KIAA1328: variants seen among roughly 807,000 people sequenced by gnomAD.
The protein encoded by KIAA1328 is protein hinderin.
In KIAA1328, 52 loss-of-function variants were observed where a neutral mutation model predicts 68.1. The observed-to-expected ratio is 0.76, with a 90% CI of 0.61 to 0.96. KIAA1328 has a LOEUF of 0.96. KIAA1328 is among the 40% of genes least tolerant of loss of function. The pLI is 0.00. For synonymous variants in KIAA1328, 232 were observed against 239.4 expected (o/e 0.97, Z 0.28); for missense variants, 641 against 677.6 (o/e 0.95, Z 0.60).
chr18:37,090,912 G>T (rs2057248518), intron 7 of KIAA1328, among the ~76,000 whole-genome samples: 1 of 152,124 alleles, frequency 6.6e-6, no homozygotes, highest in Admixed American at 6.5e-5. Flanking sequence ...GCAATGAGGA[G>T]AACATCGGGG....
At chr18:37,116,927 C>T (rs2058126458) in intron 7 of KIAA1328, among the ~76,000 whole-genome samples, 1 of 152,102 alleles carries the variant, frequency 6.6e-6, no homozygotes, top group Non-Finnish European at 1.5e-5. Flanking sequence ...TCATCACTGG[C>T]CATCAGAGAA....
intron 4 of KIAA1328, among the ~76,000 whole-genome samples, chr18:36,865,931 C>T (rs1035419597): frequency 3.2e-4 from 48 of 152,164 alleles, no homozygotes; most frequent in African/African-American, 1.0e-3. Flanking sequence ...CCTCTTTACC[C>T]ACCTCAGGCT....
At chr18:36,869,035 GT>G (rs1040220657) in intron 4 of KIAA1328, among the ~76,000 whole-genome samples, 18 of 146,436 alleles carry the variant, frequency 1.2e-4, no homozygotes, top group African/African-American at 4.5e-4. Flanking sequence ...AGTGACTCAG[GT>G]TTTTTTCTTT....
At position 37,034,385 on chromosome 18, in the gene KIAA1328, TGTAAA is replaced by T. The variant is rs776696261; in HGVS notation, c.577-32501_577-32497del. Among the ~76,000 whole-genome samples, 222 of 152,304 alleles carry T rather than the reference TGTAAA, an allele frequency of 1.5e-3. 1 individual carries two copies. The highest frequency in any genetic ancestry group is 4.8e-3 in the African/African-American group (200 of 41,568). The stretch of plus-strand genomic sequence containing the variant: ...CCAAACTGATGTATAACAGGAGTCT[TGTAAA>T]GTATTTATTTTGAGAGCCTAAAATA... On this transcript the variant is annotated intron_variant, in intron 6 of 9. Transcript: ENST00000280020.
At chr18:37,163,074 G>C (rs1047977216) in intron 8 of KIAA1328, among the ~76,000 whole-genome samples, 5 of 152,134 alleles carry the variant, frequency 3.3e-5, no homozygotes, top group Non-Finnish European at 7.4e-5. Flanking sequence ...ACTTTTAAAA[G>C]GCATAAATCT....
chr18:36,840,416 G>T (rs2046820843), intron 3 of KIAA1328, among the ~76,000 whole-genome samples: 1 of 151,044 alleles, frequency 6.6e-6, no homozygotes, highest in African/African-American at 2.4e-5. Flanking sequence ...ATGGTGGTTT[G>T]CTTTTTCTTT....
At position 36,967,507 on chromosome 18, in the gene KIAA1328, G is replaced by T. The variant is rs151243487; in HGVS notation, c.576+8072G>T. Among the ~76,000 whole-genome samples the T allele has an allele frequency of 1.1e-4, 16 of 152,278 alleles. No homozygotes were observed. In the East Asian group the frequency reaches 2.9e-3, roughly 28 times the overall value. On this transcript the variant is annotated intron_variant, in intron 6 of 9. Coordinates refer to ENST00000280020, the MANE Select transcript of KIAA1328 (RefSeq NM_020776.3). ...ACATAACTGTGAGCTAATGAATTTG[G>T]GTTATTTTAAGCTGTTGCATTTATG...
chr18:37,147,523 C>T (rs1295216185), intron 7 of KIAA1328, among the ~76,000 whole-genome samples: 3 of 152,056 alleles, frequency 2.0e-5, no homozygotes, highest in Non-Finnish European at 4.4e-5. Context: ...CACCTTTGAA[C>T]TTGGATAGGT....
chr18:36,885,880 C>A (rs2048484296), intron 5 of KIAA1328: 3 of 502,050 alleles, frequency 6.0e-6, no homozygotes, highest in Non-Finnish European at 1.1e-5. Flanking sequence ...CCAGGCCCAG[C>A]TAATTTTCGT....
intron 6 of KIAA1328, among the ~76,000 whole-genome samples, chr18:37,004,733 G>A (rs890647583): frequency 5.9e-5 from 9 of 152,184 alleles, no homozygotes; most frequent in African/African-American, 1.2e-4. Flanking sequence ...ATTTGATCCC[G>A]CAATCCCCAC....
intron 6 of KIAA1328, among the ~76,000 whole-genome samples, chr18:37,003,856 C>T (rs2053679717): frequency 6.6e-6 from 1 of 151,932 alleles, no homozygotes; most frequent in Non-Finnish European, 1.5e-5. Flanking sequence ...TCTTTCCCCA[C>T]TTGCTGTTTT....
chr18:37,131,602 T>A (rs1489873107), intron 7 of KIAA1328, among the ~76,000 whole-genome samples: 1 of 152,204 alleles, frequency 6.6e-6, no homozygotes, highest in Non-Finnish European at 1.5e-5. Flanking sequence ...ATACACTTGC[T>A]GCACAGACAC....
At chr18:36,887,803 T>A (rs1348285770) in intron 5 of KIAA1328, among the ~76,000 whole-genome samples, 1 of 152,112 alleles carries the variant, frequency 6.6e-6, no homozygotes, top group East Asian at 1.9e-4. Context: ...ACTCTTTGTA[T>A]GGAGAGGAGG....
chr18:37,002,342 A>G (rs1369007945), intron 6 of KIAA1328, among the ~76,000 whole-genome samples: 2 of 149,842 alleles, frequency 1.3e-5, no homozygotes, highest in Admixed American at 6.7e-5. Context: ...CTGAAGAGCT[A>G]AGACCATAGG....
At chr18:36,844,012 A>G (rs1174815060) in intron 3 of KIAA1328, among the ~76,000 whole-genome samples, 196 bp from the exon 4 acceptor site, 3 of 152,122 alleles carry the variant, frequency 2.0e-5, no homozygotes, top group African/African-American at 7.2e-5. Context: ...TTCTCTGTGT[A>G]AATCTCATGA....
At chr18:37,058,785 C>T (rs1434948359) in intron 6 of KIAA1328, among the ~76,000 whole-genome samples, 9 of 151,888 alleles carry the variant, frequency 5.9e-5, no homozygotes, top group Admixed American at 4.6e-4. Flanking sequence ...TGTTGAAGCA[C>T]AAAAGGTTCA....
chr18:37,066,245 C>T (rs960360273), intron 6 of KIAA1328, among the ~76,000 whole-genome samples: 1 of 152,108 alleles, frequency 6.6e-6, no homozygotes, highest in East Asian at 1.9e-4. Context: ...CCTTTCTGCC[C>T]GAGTTCTATC....
At chr18:37,017,845 T>A (rs1048537338) in intron 6 of KIAA1328, among the ~76,000 whole-genome samples, 7 of 152,162 alleles carry the variant, frequency 4.6e-5, no homozygotes, top group Non-Finnish European at 8.8e-5. Flanking sequence ...TTTGATCCTA[T>A]CAGTATCATT....
At chr18:37,057,907 A>G (rs2055984355) in intron 6 of KIAA1328, among the ~76,000 whole-genome samples, 2 of 151,404 alleles carry the variant, frequency 1.3e-5, no homozygotes, top group Non-Finnish European at 2.9e-5. Context: ...GGCCCTTTAC[A>G]AAAAAAAAGT....
Sources: gnomAD v4.1 joint callset for allele counts (sites outside exome capture counted in the v4.1 genomes callset) on GRCh38, gnomAD v4.1.1 for gene constraint, MANE v1.5 for transcripts, NCBI Gene and HGNC (gene_info 2026-07-23, HGNC 2026-07-21) for gene names.